The following ATP8B4 variants were observed in gnomAD, a reference collection of about 807,000 sequenced individuals.
ATP8B4 encodes ATPase phospholipid transporting 8B4 (putative), also known as probable phospholipid-transporting ATPase IM.
Under a neutral mutation model 145.6 loss-of-function variants are expected in ATP8B4, and 133 were observed. The observed-to-expected ratio is 0.91, with a 90% CI of 0.79 to 1.05. The LOEUF (loss-of-function observed/expected upper bound fraction) is 1.05, where lower values mean the gene tolerates loss of function less well. Ranked by LOEUF, ATP8B4 falls within the 50% of genes least tolerant of loss-of-function variation. The pLI is 0.00. For synonymous variants in ATP8B4, 507 were observed against 492.9 expected (o/e 1.03, Z -0.38); for missense variants, 1,458 against 1,425.2 (o/e 1.02, Z -0.37).
chr15:50,031,699 C>T (rs143939255), intron 6 of ATP8B4, among the ~76,000 whole-genome samples: 4 of 152,144 alleles, frequency 2.6e-5, no homozygotes, highest in African/African-American at 4.8e-5. Flanking sequence ...CATCCACCCC[C>T]CTACCACCAC....
At chr15:50,113,838 C>CAAAAAAAAAAAAAA (rs67648465) in intron 1 of ATP8B4, among the ~76,000 whole-genome samples, 5 of 67,274 alleles carry the variant, frequency 7.4e-5, no homozygotes, top group African/African-American at 2.6e-4. Context: ...AACTCCATCT[C>CAAAAAAAAAAAAAA]AAAAAAAAAA....
At chr15:50,049,584 C>T (rs1472316384) in intron 3 of ATP8B4, among the ~76,000 whole-genome samples, 1 of 152,148 alleles carries the variant, frequency 6.6e-6, no homozygotes, top group African/African-American at 2.4e-5. Context: ...CATGTCTTTG[C>T]TATTGTAAAT....
In ATP8B4 at chr15:49,860,418, G is replaced by A. The variant is rs200848806; in HGVS notation, c.3355C>T (p.Arg1119Trp). The stretch of plus-strand genomic sequence containing the variant: ...CTTCTTGAGCTTGACCTGCGGGTCC[G>A]AGGCCTTCGGCTACTTGGAGGCCTT... ...KARPPSSRRP[R>W]TRRSSSRRSG... Residue 1119 changes from arginine to tryptophan, a missense_variant, in exon 28 of 28, where the codon CGG becomes TGG. Arg to Trp is a moderately radical substitution (Grantham distance 101). Coordinates refer to ENST00000284509, the MANE Select transcript of ATP8B4 (RefSeq NM_024837.4). 29 of 1,614,018 alleles carry A rather than the reference G, an allele frequency of 1.8e-5. No homozygotes were observed. The highest frequency in any genetic ancestry group is 1.7e-4 in the Admixed American group (10 of 60,004).
intron 25 of ATP8B4, among the ~76,000 whole-genome samples, chr15:49,872,885 T>C (rs1044238559): frequency 6.6e-6 from 1 of 152,200 alleles, no homozygotes; most frequent in Non-Finnish European, 1.5e-5. Flanking sequence ...AATAGTATTA[T>C]ACCAATGCTA....
chr15:50,020,214 C>T (rs1235001191), intron 6 of ATP8B4, among the ~76,000 whole-genome samples: 1 of 151,532 alleles, frequency 6.6e-6, no homozygotes, highest in Non-Finnish European at 1.5e-5. Flanking sequence ...CTTGGCCTCC[C>T]AAAGTGCTGA....
intron 1 of ATP8B4, 29 bp from the exon 2 acceptor site, chr15:50,107,037 T>C (rs1224925698): frequency 1.4e-6 from 2 of 1,404,956 alleles, no homozygotes; most frequent in East Asian, 2.4e-5. Flanking sequence ...CATATTAGTA[T>C]CTGAAAAATG....
intron 26 of ATP8B4, among the ~76,000 whole-genome samples, chr15:49,862,707 G>A (rs868206613): frequency 6.6e-5 from 10 of 151,888 alleles, no homozygotes; most frequent in South Asian, 2.1e-4. Context: ...CTCCTGCCTC[G>A]GCCTCCCAAA....
intron 6 of ATP8B4, among the ~76,000 whole-genome samples, chr15:50,032,732 T>C (rs1437589831): frequency 1.3e-5 from 2 of 152,024 alleles, no homozygotes. Context: ...AAATAAGAAA[T>C]CATAATGATA....
chr15:50,020,011 T>C (rs921905808), intron 6 of ATP8B4, among the ~76,000 whole-genome samples: 1 of 151,696 alleles, frequency 6.6e-6, no homozygotes, highest in Non-Finnish European at 1.5e-5. Flanking sequence ...CAGACTGGAG[T>C]GCATGGCATG....
At chr15:50,118,670 A>C (rs1224610603) in intron 1 of ATP8B4, among the ~76,000 whole-genome samples, 2 of 152,206 alleles carry the variant, frequency 1.3e-5, no homozygotes, top group Admixed American at 6.5e-5. Context: ...CATAACCCTC[A>C]AACCTCAGAG....
At chr15:49,922,541 C>A in intron 17 of ATP8B4, 1 of 314,926 alleles carries the variant, frequency 3.2e-6, no homozygotes, top group Non-Finnish European at 6.2e-6. Context: ...TGTTTATTTG[C>A]TTTTTAAAGA....
intron 1 of ATP8B4, among the ~76,000 whole-genome samples, chr15:50,126,359 G>A (rs1348004967): frequency 3.9e-5 from 6 of 152,024 alleles, no homozygotes; most frequent in Non-Finnish European, 8.8e-5. Flanking sequence ...TTTCAGTTAA[G>A]GGAACAGGTT....
At chr15:50,171,952 A>T (rs1478887162) in intron 1 of ATP8B4, among the ~76,000 whole-genome samples, 1 of 152,220 alleles carries the variant, frequency 6.6e-6, no homozygotes, top group Non-Finnish European at 1.5e-5. Context: ...ATGCACATAA[A>T]CTAGAAAACC....
chr15:50,072,019 TTAA>T (rs2053769953), intron 3 of ATP8B4, among the ~76,000 whole-genome samples: 2 of 120,658 alleles, frequency 1.7e-5, no homozygotes, highest in South Asian at 5.1e-4. Context: ...CTCCTAAATA[TTAA>T]TAAATATTAA....
chr15:49,966,405 G>A (rs992659596), intron 13 of ATP8B4, among the ~76,000 whole-genome samples: 43 of 152,300 alleles, frequency 2.8e-4, no homozygotes, highest in African/African-American at 1.0e-3. Flanking sequence ...GCAGTCTGAA[G>A]TTGACCTGGG....
intron 2 of ATP8B4, among the ~76,000 whole-genome samples, chr15:50,084,690 G>A (rs571294237): frequency 6.6e-6 from 1 of 152,280 alleles, no homozygotes; most frequent in Non-Finnish European, 1.5e-5. Flanking sequence ...TAAGGTGTCA[G>A]CAGGGCTGAG....
Position 50,080,625 on chromosome 15 carries a change from G to T in ATP8B4, c.29-6440C>A, listed in dbSNP as rs1567320554. Among the ~76,000 whole-genome samples the T allele has an allele frequency of 1.3e-5, 2 of 151,834 alleles. 1 individual carries two copies. The highest frequency in any genetic ancestry group is 4.2e-4 in the South Asian group (2 of 4,812). On this transcript the variant is annotated intron_variant, in intron 2 of 27. Coordinates refer to ENST00000284509, the MANE Select transcript of ATP8B4 (RefSeq NM_024837.4). Reference sequence around the variant, plus strand: ...TTTTTTTTTAATAAGTAGAGACAGGGTCTCACTATGTTGCTTAGGCTGGTC... The same window carrying T: ...TTTTTTTTTAATAAGTAGAGACAGGTTCTCACTATGTTGCTTAGGCTGGTC...
intron 14 of ATP8B4, among the ~76,000 whole-genome samples, chr15:49,951,102 G>A (rs2043062692): frequency 6.6e-6 from 1 of 152,164 alleles, no homozygotes; most frequent in Non-Finnish European, 1.5e-5. Flanking sequence ...TTGCTGAGGA[G>A]TGTTTTACAT....
At chr15:50,047,652 C>G (rs1422329728) in intron 3 of ATP8B4, among the ~76,000 whole-genome samples, 188 bp from the exon 4 acceptor site, 5 of 152,014 alleles carry the variant, frequency 3.3e-5, no homozygotes, top group Non-Finnish European at 4.4e-5. Context: ...GATGAAATTA[C>G]TGGTCCATGC....
Sources: allele counts gnomAD v4.1 joint callset (sites outside exome capture counted in the v4.1 genomes callset), GRCh38; gene constraint gnomAD v4.1.1; transcripts MANE v1.5; gene names NCBI Gene and HGNC (gene_info 2026-07-23, HGNC 2026-07-21).